The following ENO1 variants were observed in gnomAD, a reference collection of about 807,000 sequenced individuals.
The protein encoded by ENO1 is alpha-enolase.
Under a neutral mutation model 46.3 loss-of-function variants are expected in ENO1, and 33 were observed. The observed-to-expected ratio is 0.71, with a 90% CI of 0.54 to 0.95. The LOEUF (loss-of-function observed/expected upper bound fraction) is 0.95, where lower values mean the gene tolerates loss of function less well. ENO1 is among the 40% of genes least tolerant of loss of function. The probability of loss-of-function intolerance (pLI) is 0.00; values close to 1 mark genes in which losing one functional copy is unlikely to be tolerated. For missense variants in ENO1, 488 were observed against 553.3 expected, an observed-to-expected ratio of 0.88 and a Z score of 1.18; for synonymous variants, 220 against 216.0, an observed-to-expected ratio of 1.02 and a Z score of -0.16.
intron 3 of ENO1, chr1:8,870,969 G>C (rs1407292689): frequency 8.0e-7 from 1 of 1,245,866 alleles, no homozygotes; most frequent in South Asian, 3.8e-5. Context: ...AGACAGTGAG[G>C]GGGCAGGAAA....
chr1:8,863,138 A>G (rs1642439322), intron 10 of ENO1, 97 bp downstream of exon 10: 3 of 1,443,306 alleles, frequency 2.1e-6, no homozygotes, highest in Non-Finnish European at 2.9e-6. Flanking sequence ...GACTCAGGGG[A>G]CATGAGCAAA....
At chr1:8,866,076 CAAAAAAA>C in intron 7 of ENO1, 196 bp downstream of exon 7, 2 of 364,256 alleles carry the variant, frequency 5.5e-6, no homozygotes, top group Non-Finnish European at 9.4e-6. Context: ...GACTCCATCT[CAAAAAAA>C]AAAAAAAAAA....
intron 4 of ENO1, among the ~76,000 whole-genome samples, chr1:8,868,282 G>T (rs1421243749): frequency 6.6e-6 from 1 of 152,130 alleles, no homozygotes; most frequent in South Asian, 2.1e-4. Flanking sequence ...ATGCAACAGA[G>T]ATGGCACTCT....
Position 8,864,094 on chromosome 1 carries a change from TAAGGA to T in ENO1, c.866-7_866-3del, listed in dbSNP as rs1557579079. The stretch of plus-strand genomic sequence containing the variant: ...CAAAGGGATCTTCGATAGACACCAC[TAAGGA>T]AAGGAGGGACACGCTTCATCAGTGT... On this transcript the variant is annotated splice_polypyrimidine_tract_variant and splice_region_variant and intron_variant, in intron 8 of 11. Transcript: ENST00000234590. The T allele has an allele frequency of 2.5e-6, 4 of 1,613,716 alleles. No individual in the cohort carries two copies. The highest frequency in any genetic ancestry group is 2.7e-5 in the African/African-American group (2 of 74,804).
chr1:8,873,380 T>C (rs1346794250), intron 2 of ENO1, among the ~76,000 whole-genome samples: 1 of 152,200 alleles, frequency 6.6e-6, no homozygotes, highest in Non-Finnish European at 1.5e-5. Flanking sequence ...AGCAAGTCCA[T>C]CATTTCATGT....
intron 4 of ENO1, among the ~76,000 whole-genome samples, chr1:8,869,600 C>A (rs1401524142): frequency 1.3e-5 from 2 of 152,162 alleles, no homozygotes; most frequent in Non-Finnish European, 2.9e-5. Context: ...CACTCTGTTG[C>A]CCAGGCTGGA....
intron 5 of ENO1, 36 bp from the exon 6 acceptor site, chr1:8,867,286 TTC>T (rs1176047117): frequency 3.1e-6 from 5 of 1,609,640 alleles, no homozygotes; most frequent in Non-Finnish European, 4.3e-6. Flanking sequence ...ATGAAGTCAT[TTC>T]TGATTCACCA....
At position 8,873,215 on chromosome 1, in the gene ENO1, T is replaced by G. The variant is rs900631612; in HGVS notation, c.86-1229A>C. On this transcript the variant is annotated intron_variant, in intron 2 of 11. Coordinates refer to ENST00000234590, the MANE Select transcript of ENO1 (RefSeq NM_001428.5). Reference sequence around the variant, plus strand: ...TGTTCACGCATGTTGACCACTCTAGTGGGGATGCTGACAATGGGGGGGCTG... The same window carrying G: ...TGTTCACGCATGTTGACCACTCTAGGGGGGATGCTGACAATGGGGGGGCTG... 1.2e-4 allele frequency among the ~76,000 whole-genome samples: 18 copies of G among 152,136 alleles called. No homozygotes were observed. The East Asian group carries it at 3.3e-3, about 28-fold the overall frequency.
At chr1:8,871,131 T>G in intron 3 of ENO1, 1 of 1,164,356 alleles carries the variant, frequency 8.6e-7, no homozygotes, top group Non-Finnish European at 1.1e-6. Flanking sequence ...CATGTTCGTG[T>G]GTGTAGAGTG....
intron 3 of ENO1, 144 bp from the exon 4 acceptor site, chr1:8,870,654 C>T (rs1479467354): frequency 6.7e-7 from 1 of 1,496,484 alleles, no homozygotes; most frequent in South Asian, 1.3e-5. Flanking sequence ...TCCCCTTTCC[C>T]CCCAGAATCG....
intron 1 of ENO1, among the ~76,000 whole-genome samples, chr1:8,877,268 G>A (rs756959203): frequency 4.8e-4 from 72 of 150,664 alleles, no homozygotes; most frequent in Non-Finnish European, 8.7e-4. Flanking sequence ...TGTATTTTCA[G>A]TAGAGACGGG....
intron 1 of ENO1, 170 bp downstream of exon 1, chr1:8,878,410 G>A (rs1286592302): frequency 6.1e-6 from 2 of 325,446 alleles, no homozygotes; most frequent in African/African-American, 2.3e-5. Flanking sequence ...CCCGGGCCTC[G>A]GGGTGAGCGG....
Position 8,865,277 on chromosome 1 carries a change from A to G in ENO1, c.865+8T>C, listed in dbSNP as rs369104241. 1.2e-6 allele frequency: 2 copies of G among 1,613,634 alleles called. No individual in the cohort carries two copies. Among genetic ancestry groups the G allele is most frequent in the Non-Finnish European group, 1.7e-6 (2 of 1,179,602 alleles). On this transcript the variant is annotated splice_region_variant and intron_variant, in intron 8 of 11. Coordinates refer to ENST00000234590, the MANE Select transcript of ENO1 (RefSeq NM_001428.5). ...AGGAAAGGGAGATGGCACTCGGGGA[A>G]CACTCACCTGGGTAGTCCTTGATGA...
At position 8,865,325 on chromosome 1, in the gene ENO1, C is replaced by T. The variant is rs1308884068; in HGVS notation, c.825G>A (p.Gln275=). Reference sequence around the variant, plus strand: ...TGAAGGACTTGTACAGGTCAGCCAGCTGGTCAGGCGAGATGTACCTGCTGG... The same window carrying T: ...TGAAGGACTTGTACAGGTCAGCCAGTTGGTCAGGCGAGATGTACCTGCTGG... ...DDPSRYISPD[Q]LADLYKSFIK... The change falls in exon 8 of 12, where the codon CAG becomes CAA. Residue 275 remains glutamine, a synonymous_variant. Transcript: ENST00000234590. 1 of 1,614,198 alleles carries T rather than the reference C, an allele frequency of 6.2e-7. No homozygotes were observed. Among genetic ancestry groups the T allele is most frequent in the African/African-American group, 1.3e-5 (1 of 75,046 alleles).
chr1:8,865,815 C>A (rs1358332922), intron 7 of ENO1, among the ~76,000 whole-genome samples: 1 of 152,130 alleles, frequency 6.6e-6, no homozygotes, highest in Non-Finnish European at 1.5e-5. Context: ...AAGGCACAGG[C>A]CTTAAATAGA....
chr1:8,867,062 A>G, intron 6 of ENO1, 55 bp downstream of exon 6: 2 of 1,592,768 alleles, frequency 1.3e-6, no homozygotes, highest in African/African-American at 1.3e-5. Context: ...CGGGTCCCCA[A>G]CAGCAAGCTG....
rs1334992708 is a variant in ENO1 at position 8,867,174 on chromosome 1, G to C, written c.387C>G (p.Pro129=). ...CKAGAVEKGV[P]LYRHIADLAG... is the part of the protein sequence containing the mutation. ...CCAAGTCAGCGATGTGGCGGTACAG[G>C]GGGACCCCCTTCTCAACGGCACCAG... The change falls in exon 6 of 12, where the codon CCC becomes CCG. Residue 129 remains proline, a synonymous_variant. Coordinates refer to ENST00000234590, the MANE Select transcript of ENO1 (RefSeq NM_001428.5). 8 of 1,614,050 alleles carry C rather than the reference G, an allele frequency of 5.0e-6. No homozygotes were observed. The Admixed American group carries it at 6.7e-5, about 13-fold the overall frequency.
rs1053745205 is a variant in ENO1, at chr1:8,870,827, G to A, written c.182-317C>T. 2.9e-6 allele frequency: 4 copies of A among 1,366,468 alleles called. No individual in the cohort carries two copies. In the African/African-American group the frequency reaches 4.3e-5, roughly 15 times the overall value. 84.6% of individuals were successfully genotyped at this position (1,366,468 alleles called of 1,614,324 possible). The stretch of plus-strand genomic sequence containing the variant: ...CTAAAGGCTGTTCAATCAGTTACCT[G>A]AGTGCACAGGGCTGGTGCCAGGAAC... On this transcript the variant is annotated intron_variant, in intron 3 of 11. Transcript: ENST00000234590.
At chr1:8,872,682 C>A (rs1403978495) in intron 2 of ENO1, among the ~76,000 whole-genome samples, 3 of 152,124 alleles carry the variant, frequency 2.0e-5, no homozygotes, top group Non-Finnish European at 4.4e-5. Context: ...CATGCCCAGA[C>A]AGGTACTATA....
Sources: gnomAD v4.1 joint callset for allele counts (sites outside exome capture counted in the v4.1 genomes callset) on GRCh38, gnomAD v4.1.1 for gene constraint, MANE v1.5 for transcripts, NCBI Gene and HGNC (gene_info 2026-07-23, HGNC 2026-07-21) for gene names.